The following TRIM44 variants were observed in gnomAD, a reference collection of about 807,000 sequenced individuals.
The protein encoded by TRIM44 is tripartite motif containing 44, also known as tripartite motif-containing protein 44.
In TRIM44, 13 loss-of-function variants were observed where a neutral mutation model predicts 37.4. The ratio of observed to expected loss-of-function variants is 0.35; its 90% CI spans 0.23 to 0.55. TRIM44 has a LOEUF of 0.55. Among genes scored for constraint, TRIM44 ranks in the 20% least tolerant of loss-of-function variants. The pLI is 0.89. For missense variants in TRIM44, 426 were observed against 437.2 expected (o/e 0.97, Z 0.23); for synonymous variants, 175 against 157.2 (o/e 1.11, Z -0.85).
intron 4 of TRIM44, among the ~76,000 whole-genome samples, chr11:35,740,949 A>G (rs980218228): frequency 7.9e-5 from 12 of 152,232 alleles, no homozygotes; most frequent in African/African-American, 2.6e-4. Flanking sequence ...CCCCCTCTAA[A>G]TGAATAACCA....
intron 4 of TRIM44, among the ~76,000 whole-genome samples, chr11:35,736,660 T>C (rs1590554736): frequency 6.6e-6 from 1 of 152,220 alleles, no homozygotes; most frequent in Non-Finnish European, 1.5e-5. Flanking sequence ...TTTTAACATC[T>C]GCTCTGGAAC....
chr11:35,787,995 C>T (rs1853151506), intron 4 of TRIM44, among the ~76,000 whole-genome samples: 1 of 152,182 alleles, frequency 6.6e-6, no homozygotes, highest in Non-Finnish European at 1.5e-5. Flanking sequence ...CAGCCTATGG[C>T]AGTTGTTCAT....
chr11:35,672,333 C>T (rs957323118), intron 1 of TRIM44, among the ~76,000 whole-genome samples: 2 of 152,080 alleles, frequency 1.3e-5, no homozygotes, highest in Admixed American at 6.5e-5. Flanking sequence ...AAATTCTAGA[C>T]ACTCCCACTA....
intron 2 of TRIM44, among the ~76,000 whole-genome samples, chr11:35,705,886 A>G (rs1851872283): frequency 6.7e-6 from 1 of 148,886 alleles, no homozygotes; most frequent in African/African-American, 2.4e-5. Flanking sequence ...TTCAAAAGCT[A>G]GCAGAGGCAA....
At chr11:35,784,821 G>T (rs1393852087) in intron 4 of TRIM44, among the ~76,000 whole-genome samples, 1 of 152,154 alleles carries the variant, frequency 6.6e-6, no homozygotes, top group Non-Finnish European at 1.5e-5. Context: ...CAAAAAACTA[G>T]GTTGTAGAAT....
intron 4 of TRIM44, among the ~76,000 whole-genome samples, chr11:35,765,583 C>T (rs1376781634): frequency 2.0e-5 from 3 of 152,128 alleles, no homozygotes; most frequent in Non-Finnish European, 4.4e-5. Context: ...TGTGCATTGC[C>T]TCACTATTTA....
chr11:35,785,436 C>T (rs1053307575), intron 4 of TRIM44, among the ~76,000 whole-genome samples: 1 of 152,256 alleles, frequency 6.6e-6, no homozygotes, highest in Non-Finnish European at 1.5e-5. Context: ...CCTTCTGCAG[C>T]GTTGCCTTCA....
At chr11:35,752,759 C>G (rs1036067028) in intron 4 of TRIM44, among the ~76,000 whole-genome samples, 1 of 152,182 alleles carries the variant, frequency 6.6e-6, no homozygotes, top group South Asian at 2.1e-4. Flanking sequence ...TCATGTTCCC[C>G]TCTGCAGGAA....
rs1463105158 is a variant in TRIM44, at chr11:35,715,855, A to AG, written c.748-10068dup. On this transcript the variant is annotated intron_variant, in intron 2 of 4. Transcript: ENST00000299413. ...TACGTGGCTGGAGCAGGAGGAAGAG[A>AG]GAGAGGAAGGAAGTGCTACCCATTT... is the stretch of plus-strand genomic sequence containing the variant. Among the ~76,000 whole-genome samples the AG allele has an allele frequency of 2.0e-5, 3 of 152,046 alleles. No individual in the cohort carries two copies. In the East Asian group the frequency reaches 5.8e-4, roughly 29 times the overall value.
chr11:35,690,885 C>A (rs1851630010), intron 2 of TRIM44, among the ~76,000 whole-genome samples: 1 of 152,190 alleles, frequency 6.6e-6, no homozygotes, highest in Non-Finnish European at 1.5e-5. Flanking sequence ...CAGGGCTTAA[C>A]TCGAGATTTG....
chr11:35,767,865 A>T (rs1195392683), intron 4 of TRIM44, among the ~76,000 whole-genome samples: 1 of 152,206 alleles, frequency 6.6e-6, no homozygotes, highest in African/African-American at 2.4e-5. Flanking sequence ...ATAGATGCTC[A>T]CTAAATGGTG....
At chr11:35,749,577 C>G (rs182253867) in intron 4 of TRIM44, among the ~76,000 whole-genome samples, 44 of 152,300 alleles carry the variant, frequency 2.9e-4, no homozygotes, top group African/African-American at 1.0e-3. Context: ...CCCACCTACT[C>G]AGGAGGCTGA....
At chr11:35,686,554 GTTTTTGT>G (rs1851584679) in intron 2 of TRIM44, among the ~76,000 whole-genome samples, 1 of 151,750 alleles carries the variant, frequency 6.6e-6, no homozygotes, top group African/African-American at 2.4e-5. Context: ...TTGTTTGTTT[GTTTTTGT>G]TTTTTGTTTT....
At chr11:35,708,817 C>G (rs1247151785) in intron 2 of TRIM44, among the ~76,000 whole-genome samples, 1 of 151,874 alleles carries the variant, frequency 6.6e-6, no homozygotes, top group African/African-American at 2.4e-5. Flanking sequence ...TGCTAAATGA[C>G]TAGTTAATGG....
rs140588150 is a variant in TRIM44 at position 35,747,251 on chromosome 11, C to A, written c.1007+11806C>A. On this transcript the variant is annotated intron_variant, in intron 4 of 4. Transcript: ENST00000299413. ...ATAGTTATCCAGCAGTAATACCTGC[C>A]TGTGTATTGAACATTAACTAGGAGC... Among the ~76,000 whole-genome samples the A allele has an allele frequency of 1.8e-3, 281 of 152,282 alleles. 2 individuals carry two copies. Among genetic ancestry groups the A allele is most frequent in the African/African-American group, 6.5e-3 (270 of 41,544 alleles).
At chr11:35,769,100 C>G (rs780507132) in intron 4 of TRIM44, among the ~76,000 whole-genome samples, 5 of 152,148 alleles carry the variant, frequency 3.3e-5, no homozygotes, top group Non-Finnish European at 7.3e-5. Flanking sequence ...GAACCACGTG[C>G]TTTTTCCAGT....
chr11:35,772,688 A>T (rs1354266244), intron 4 of TRIM44, among the ~76,000 whole-genome samples: 1 of 152,158 alleles, frequency 6.6e-6, no homozygotes, highest in Non-Finnish European at 1.5e-5. Flanking sequence ...TACCCATGTC[A>T]CACAGGTAGA....
chr11:35,703,697 G>A (rs1424076304), intron 2 of TRIM44, among the ~76,000 whole-genome samples: 2 of 152,328 alleles, frequency 1.3e-5, no homozygotes, highest in South Asian at 2.1e-4. Flanking sequence ...CTGCAGCTGA[G>A]GGTCCTGTCT....
intron 4 of TRIM44, among the ~76,000 whole-genome samples, chr11:35,776,844 T>C (rs1343520474): frequency 3.3e-5 from 5 of 152,230 alleles, no homozygotes; most frequent in Non-Finnish European, 7.3e-5. Flanking sequence ...TTCTGTTCTT[T>C]TACATTTGCT....
Sources: allele counts gnomAD v4.1 joint callset (sites outside exome capture counted in the v4.1 genomes callset), GRCh38; gene constraint gnomAD v4.1.1; transcripts MANE v1.5; gene names NCBI Gene and HGNC (gene_info 2026-07-23, HGNC 2026-07-21).